Variants in CAMK1D observed in about 807,000 individuals in gnomAD.
CAMK1D encodes calcium/calmodulin-dependent protein kinase type 1D.
Under a neutral mutation model 47.7 loss-of-function variants are expected in CAMK1D, and 9 were observed. The observed-to-expected ratio is 0.19, with a 90% CI of 0.11 to 0.33. The LOEUF (loss-of-function observed/expected upper bound fraction) is 0.33. CAMK1D is among the 10% of genes least tolerant of loss of function. The pLI, the probability that CAMK1D is intolerant of heterozygous loss-of-function variation, is 1.00. For missense variants in CAMK1D, 291 were observed against 488.7 expected, an observed-to-expected ratio of 0.60 and a Z score of 3.81; for synonymous variants, 184 against 184.9, an observed-to-expected ratio of 0.99 and a Z score of 0.04.
chr10:12,791,509 CTG>C (rs1390421307), intron 6 of CAMK1D, among the ~76,000 whole-genome samples: 1 of 152,158 alleles, frequency 6.6e-6, no homozygotes, highest in African/African-American at 2.4e-5. Context: ...CTGGAAACCT[CTG>C]TACTCTTTTC....
At chr10:12,475,983 G>T (rs558172440) in intron 1 of CAMK1D, among the ~76,000 whole-genome samples, 1 of 152,024 alleles carries the variant, frequency 6.6e-6, no homozygotes, top group East Asian at 1.9e-4. Flanking sequence ...TGCACTAAAT[G>T]GTGGTACATG....
At chr10:12,625,733 G>A (rs1169811657) in intron 2 of CAMK1D, among the ~76,000 whole-genome samples, 2 of 151,614 alleles carry the variant, frequency 1.3e-5, no homozygotes, top group African/African-American at 4.9e-5. Flanking sequence ...TTTTTAATGT[G>A]TGTATTCAGT....
chr10:12,748,284 T>C (rs1456346077), intron 3 of CAMK1D, among the ~76,000 whole-genome samples: 1 of 152,150 alleles, frequency 6.6e-6, no homozygotes, highest in African/African-American at 2.4e-5. Flanking sequence ...TTGTAAGACC[T>C]CAGTAGCAGG....
chr10:12,533,532 C>T (rs889439626), intron 1 of CAMK1D, among the ~76,000 whole-genome samples: 5 of 152,014 alleles, frequency 3.3e-5, no homozygotes, highest in African/African-American at 9.7e-5. Flanking sequence ...TTCTGCTTTA[C>T]GGAAAGTGTT....
intron 1 of CAMK1D, among the ~76,000 whole-genome samples, chr10:12,404,927 C>T (rs1307971461): frequency 5.3e-5 from 8 of 152,134 alleles, no homozygotes; most frequent in South Asian, 2.1e-4. Context: ...GACCTCCATC[C>T]GCCTGCCTCA....
chr10:12,677,717 G>C (rs976657275), intron 3 of CAMK1D, among the ~76,000 whole-genome samples: 16 of 152,144 alleles, frequency 1.1e-4, no homozygotes, highest in Non-Finnish European at 1.9e-4. Flanking sequence ...GAGGGGCTTT[G>C]TCTGAGAGGA....
intron 2 of CAMK1D, among the ~76,000 whole-genome samples, chr10:12,666,148 A>C (rs1355248520): frequency 1.3e-5 from 2 of 151,644 alleles, no homozygotes; most frequent in Non-Finnish European, 2.9e-5. Context: ...TTGCTTGGGA[A>C]GCTGAAGTGA....
At chr10:12,681,485 TGGA>T (rs1230606154) in intron 3 of CAMK1D, among the ~76,000 whole-genome samples, 4 of 152,262 alleles carry the variant, frequency 2.6e-5, no homozygotes, top group Non-Finnish European at 5.9e-5. Flanking sequence ...CTGGGTCCCG[TGGA>T]GGAAACCACA....
intron 3 of CAMK1D, among the ~76,000 whole-genome samples, chr10:12,736,883 C>T (rs1835213973): frequency 6.6e-6 from 1 of 152,236 alleles, no homozygotes; most frequent in Non-Finnish European, 1.5e-5. Flanking sequence ...CTCCCGATCA[C>T]TCTCTGGCTT....
At chr10:12,379,645 C>T (rs1184840469) in intron 1 of CAMK1D, among the ~76,000 whole-genome samples, 6 of 151,844 alleles carry the variant, frequency 4.0e-5, no homozygotes, top group East Asian at 1.9e-4. Context: ...CCCAGCTACT[C>T]GGGAGGCTGA....
At chr10:12,655,197 C>G (rs1840085156) in intron 2 of CAMK1D, among the ~76,000 whole-genome samples, 1 of 152,098 alleles carries the variant, frequency 6.6e-6, no homozygotes, top group Non-Finnish European at 1.5e-5. Context: ...AGGAAACTTA[C>G]ACTCATGATG....
intron 1 of CAMK1D, among the ~76,000 whole-genome samples, chr10:12,401,637 C>T (rs1010710068): frequency 6.6e-6 from 1 of 151,540 alleles, no homozygotes; most frequent in African/African-American, 2.4e-5. Flanking sequence ...GTCAGGGTGC[C>T]TCAGTTTGTC....
intron 1 of CAMK1D, among the ~76,000 whole-genome samples, chr10:12,465,681 C>CA: frequency 6.6e-6 from 1 of 152,278 alleles, no homozygotes; most frequent in Non-Finnish European, 1.5e-5. Context: ...TAACAAGCAT[C>CA]AAAGAGGTAA....
At chr10:12,632,235 G>A (rs550636142) in intron 2 of CAMK1D, among the ~76,000 whole-genome samples, 2 of 152,350 alleles carry the variant, frequency 1.3e-5, no homozygotes, top group Non-Finnish European at 1.5e-5. Flanking sequence ...TTAGATGAGG[G>A]AAGGGGAGTC....
At chr10:12,488,012 T>G (rs1405372606) in intron 1 of CAMK1D, among the ~76,000 whole-genome samples, 1 of 152,146 alleles carries the variant, frequency 6.6e-6, no homozygotes, top group African/African-American at 2.4e-5. Context: ...GGGTATTTCC[T>G]AAAGTGCCAG....
chr10:12,762,083 C>G (rs1836538128), intron 4 of CAMK1D, among the ~76,000 whole-genome samples: 1 of 152,142 alleles, frequency 6.6e-6, no homozygotes, highest in Non-Finnish European at 1.5e-5. Flanking sequence ...GGGTGGATGT[C>G]ACACATATGG....
At chr10:12,660,923 G>T (rs552344978) in intron 2 of CAMK1D, among the ~76,000 whole-genome samples, 2 of 152,200 alleles carry the variant, frequency 1.3e-5, no homozygotes, top group East Asian at 1.9e-4. Context: ...CTGGGATTTC[G>T]CTGTGCTAGT....
At chr10:12,419,473 C>T (rs1320422335) in intron 1 of CAMK1D, among the ~76,000 whole-genome samples, 1 of 152,144 alleles carries the variant, frequency 6.6e-6, no homozygotes, top group Non-Finnish European at 1.5e-5. Context: ...GTCCTGTTTC[C>T]TGACTTTTCC....
intron 1 of CAMK1D, among the ~76,000 whole-genome samples, chr10:12,550,239 C>T (rs755434264): frequency 4.6e-5 from 7 of 152,316 alleles, no homozygotes; most frequent in Admixed American, 6.5e-5. Context: ...AAGTGGCCAA[C>T]AGGGAAACTG....
Sources: gnomAD v4.1 joint callset for allele counts (sites outside exome capture counted in the v4.1 genomes callset) on GRCh38, gnomAD v4.1.1 for gene constraint, MANE v1.5 for transcripts, NCBI Gene and HGNC (gene_info 2026-07-23, HGNC 2026-07-21) for gene names.